ADCY2: variants seen among roughly 807,000 people sequenced by gnomAD.
ADCY2 encodes adenylate cyclase type 2.
ADCY2 carries 31 observed loss-of-function variants against 125.2 expected under a neutral mutation model. The ratio of observed to expected loss-of-function variants is 0.25; its 90% CI spans 0.19 to 0.33. The LOEUF is 0.33. ADCY2 is among the 10% of genes least tolerant of loss of function. The pLI is 1.00. For missense variants in ADCY2, 904 were observed against 1,418.2 expected, an observed-to-expected ratio of 0.64 and a Z score of 5.82; for synonymous variants, 512 against 548.4, an observed-to-expected ratio of 0.93 and a Z score of 0.93.
intron 15 of ADCY2, among the ~76,000 whole-genome samples, chr5:7,748,541 C>G (rs6555492): frequency 0.026 from 1,217 of 47,406 alleles, 20 homozygotes; most frequent in African/African-American, 0.053. Context: ...CACACACACA[C>G]ACACACACAC....
intron 3 of ADCY2, among the ~76,000 whole-genome samples, chr5:7,538,071 T>C (rs1164382189): frequency 6.6e-6 from 1 of 152,182 alleles, no homozygotes; most frequent in East Asian, 1.9e-4. Flanking sequence ...CTTTCCTGAC[T>C]CCATCTACCC....
At chr5:7,611,225 C>G (rs1276552640) in intron 3 of ADCY2, 1 of 151,936 alleles carries the variant, frequency 6.6e-6, no homozygotes, top group Non-Finnish European at 1.5e-5. Flanking sequence ...GTGACATAGC[C>G]TTATTAAATC....
chr5:7,826,990 C>T lies in ADCY2; in HGVS notation c.*119C>T. Reference sequence around the variant, plus strand: ...TGCTGTCTGTCCTATGGAGCCTCTGCAGACTCGTTCTCGTGACCCAGTGGC... The same window carrying T: ...TGCTGTCTGTCCTATGGAGCCTCTGTAGACTCGTTCTCGTGACCCAGTGGC... On this transcript the variant is annotated 3_prime_UTR_variant, in exon 25 of 25. Coordinates refer to ENST00000338316, the MANE Select transcript of ADCY2 (RefSeq NM_020546.3). 7.9e-7 allele frequency: 1 copy of T among 1,262,994 alleles called. No individual in the cohort carries two copies. Among genetic ancestry groups the T allele is most frequent in the Non-Finnish European group, 1.1e-6 (1 of 920,778 alleles). The allele number at this position is 1,262,994 out of a possible 1,614,324, so 78.2% of individuals were successfully genotyped here. A position where few individuals can be genotyped will look rare whatever the true frequency, so the allele number is the denominator to read the frequency against.
intron 3 of ADCY2, among the ~76,000 whole-genome samples, chr5:7,531,508 T>C (rs1489256911): frequency 6.6e-6 from 1 of 152,200 alleles, no homozygotes; most frequent in African/African-American, 2.4e-5. Context: ...AATTCTGACA[T>C]TTATTATCTC....
In ADCY2 at chr5:7,690,810, C is replaced by T; in HGVS notation, c.840C>T (p.Asn280=). The T allele has an allele frequency of 1.9e-6, 3 of 1,603,622 alleles. No homozygotes were observed. Among genetic ancestry groups the T allele is most frequent in the Non-Finnish European group, 2.6e-6 (3 of 1,175,874 alleles). ...TGGAGAACACAAATAACTTCCACAA[C>T]CTGTATGTGAAGCGGCATACAAACG... ...GQMENTNNFH[N]LYVKRHTNVS... is the part of the protein sequence containing the mutation. Residue 280 remains asparagine, a synonymous_variant, in exon 5 of 25, where the codon AAC becomes AAT. Coordinates refer to ENST00000338316, the MANE Select transcript of ADCY2 (RefSeq NM_020546.3).
rs187148503 is a variant in ADCY2 at position 7,467,108 on chromosome 5, A to G, written c.408+52338A>G. On this transcript the variant is annotated intron_variant, in intron 2 of 24. Transcript: ENST00000338316. The stretch of plus-strand genomic sequence containing the variant: ...GCACCTGCCCTTGTTTGGAGATAAG[A>G]GAGAGCTTAAGTGAATTGCCAAAAT... Among the ~76,000 whole-genome samples the G allele has an allele frequency of 6.8e-3, 1,039 of 152,314 alleles. 13 individuals are homozygous for G. Among genetic ancestry groups the G allele is most frequent in the Non-Finnish European group, 8.4e-3 (574 of 68,028 alleles).
At chr5:7,734,193 A>C (rs1742182921) in intron 14 of ADCY2, among the ~76,000 whole-genome samples, 1 of 152,232 alleles carries the variant, frequency 6.6e-6, no homozygotes, top group Non-Finnish European at 1.5e-5. Flanking sequence ...AGGGAAATGA[A>C]GTCAACCAGG....
intron 2 of ADCY2, among the ~76,000 whole-genome samples, chr5:7,429,813 G>T (rs1381238550): frequency 6.6e-6 from 1 of 152,010 alleles, no homozygotes; most frequent in African/African-American, 2.4e-5. Context: ...AAAGAAGAAA[G>T]GACTGAAATC....
chr5:7,592,697 T>C (rs1210832942), intron 3 of ADCY2, among the ~76,000 whole-genome samples: 1 of 152,184 alleles, frequency 6.6e-6, no homozygotes, highest in African/African-American at 2.4e-5. Flanking sequence ...CAATCATCAG[T>C]TAACTGTTAC....
intron 2 of ADCY2, among the ~76,000 whole-genome samples, chr5:7,504,453 T>A (rs1163309713): frequency 6.6e-6 from 1 of 152,202 alleles, no homozygotes; most frequent in Non-Finnish European, 1.5e-5. Context: ...TGTTGGACTC[T>A]GGAACACAAC....
chr5:7,557,562 C>A (rs985687069), intron 3 of ADCY2, among the ~76,000 whole-genome samples: 13 of 152,126 alleles, frequency 8.5e-5, no homozygotes, highest in African/African-American at 3.1e-4. Flanking sequence ...GAGTGTGTTC[C>A]CCTCTTTGTG....
At chr5:7,687,459 G>A (rs1176259211) in intron 4 of ADCY2, among the ~76,000 whole-genome samples, 7 of 152,160 alleles carry the variant, frequency 4.6e-5, no homozygotes, top group Admixed American at 4.6e-4. Context: ...TCTGGTTACA[G>A]TAATTTAGTT....
chr5:7,474,149 T>G (rs1015762307), intron 2 of ADCY2, among the ~76,000 whole-genome samples: 1 of 152,250 alleles, frequency 6.6e-6, no homozygotes, highest in Non-Finnish European at 1.5e-5. Context: ...AGCAATGCTC[T>G]TTACAGGTAA....
intron 3 of ADCY2, among the ~76,000 whole-genome samples, chr5:7,577,994 G>C (rs1384271356): frequency 6.6e-6 from 1 of 152,132 alleles, no homozygotes; most frequent in Non-Finnish European, 1.5e-5. Context: ...AGGAGGGCTG[G>C]TGGGAACACA....
intron 16 of ADCY2, among the ~76,000 whole-genome samples, chr5:7,763,968 C>T (rs1209058048): frequency 1.3e-5 from 2 of 152,180 alleles, no homozygotes; most frequent in South Asian, 2.1e-4. Context: ...CGTCAATTTC[C>T]AGTCACTGAT....
intron 2 of ADCY2, among the ~76,000 whole-genome samples, chr5:7,438,890 G>A (rs941773210): frequency 1.1e-4 from 17 of 152,142 alleles, no homozygotes; most frequent in African/African-American, 3.4e-4. Context: ...AACCCTCAGG[G>A]TCCCTTGGTT....
chr5:7,817,692 G>A (rs147463250), intron 23 of ADCY2, among the ~76,000 whole-genome samples: 2 of 152,048 alleles, frequency 1.3e-5, no homozygotes, highest in African/African-American at 4.8e-5. Flanking sequence ...GCTTGGCGGC[G>A]CACGCCTGTA....
intron 9 of ADCY2, among the ~76,000 whole-genome samples, chr5:7,708,477 C>T (rs1262033257): frequency 1.3e-5 from 2 of 152,106 alleles, no homozygotes; most frequent in East Asian, 1.9e-4. Flanking sequence ...TCTTTTAACC[C>T]TTCTCAAATT....
rs1271388160 is a variant in ADCY2, at chr5:7,396,513, G to A, written c.210+7G>A. On this transcript the variant is annotated splice_region_variant and intron_variant, in intron 1 of 24. Coordinates refer to ENST00000338316, the MANE Select transcript of ADCY2 (RefSeq NM_020546.3). The surrounding 1 kb of genome is among the most constrained non-coding windows in gnomAD (Gnocchi z 5.7). ...CTTCTTCGCGCTCGGGCTGGTGAGTGGCCTCCCCGCGGGTCCAGCGCCGCG... is the reference window on the plus strand; with the variant it reads ...CTTCTTCGCGCTCGGGCTGGTGAGTAGCCTCCCCGCGGGTCCAGCGCCGCG... The A allele has an allele frequency of 1.3e-6, 2 of 1,556,390 alleles. No homozygotes were observed. Among genetic ancestry groups the A allele is most frequent in the African/African-American group, 2.9e-5 (2 of 69,802 alleles).
Sources: allele counts gnomAD v4.1 joint callset (sites outside exome capture counted in the v4.1 genomes callset), GRCh38; gene constraint gnomAD v4.1.1; non-coding constraint Gnocchi (gnomAD v3.1); transcripts MANE v1.5; gene names NCBI Gene and HGNC (gene_info 2026-07-23, HGNC 2026-07-21).